The following AGMO variants were observed in gnomAD, a reference collection of about 807,000 sequenced individuals.
AGMO encodes the protein glyceryl-ether monooxygenase.
In AGMO, 75 loss-of-function variants were observed where a neutral mutation model predicts 60.2. That is an observed-to-expected ratio of 1.25 (90% confidence interval 1.03 to 1.51). The LOEUF is 1.51. AGMO is among the 40% of genes most tolerant of loss of function. The pLI, the probability that AGMO is intolerant of heterozygous loss-of-function variation, is 0.00. For synonymous variants in AGMO, 261 were observed against 177.1 expected, an observed-to-expected ratio of 1.47 and a Z score of -3.76; for missense variants, 763 against 525.5, an observed-to-expected ratio of 1.45 and a Z score of -4.42.
At chr7:15,414,727 C>A (rs1780708412) in intron 5 of AGMO, among the ~76,000 whole-genome samples, 1 of 152,042 alleles carries the variant, frequency 6.6e-6, no homozygotes, top group African/African-American at 2.4e-5. Context: ...AATTATTTTA[C>A]AAATGTGTGA....
At chr7:15,229,377 G>T (rs187595772) in intron 12 of AGMO, among the ~76,000 whole-genome samples, 1 of 151,360 alleles carries the variant, frequency 6.6e-6, no homozygotes, top group African/African-American at 2.4e-5. Context: ...CTAAGGGTTC[G>T]AATACAAAAA....
intron 3 of AGMO, among the ~76,000 whole-genome samples, chr7:15,533,557 G>C (rs1183987189): frequency 2.0e-5 from 3 of 151,894 alleles, no homozygotes; most frequent in Non-Finnish European, 4.4e-5. Context: ...TACTCATTTG[G>C]TTTTATGCTT....
intron 12 of AGMO, among the ~76,000 whole-genome samples, chr7:15,331,188 C>T (rs1345236109): frequency 6.6e-6 from 1 of 152,164 alleles, no homozygotes; most frequent in Non-Finnish European, 1.5e-5. Context: ...CTTTAAATGA[C>T]TTCGTCCCCA....
intron 12 of AGMO, among the ~76,000 whole-genome samples, chr7:15,359,636 T>C (rs1000566528): frequency 6.6e-6 from 1 of 152,160 alleles, no homozygotes; most frequent in Non-Finnish European, 1.5e-5. Flanking sequence ...TGCTGTGTCT[T>C]AGAGCCATCA....
At chr7:15,136,041 T>C in the AGMO span, among the ~76,000 whole-genome samples, 6 of 146,594 alleles carry the variant, frequency 4.1e-5, no homozygotes, top group Admixed American at 7.2e-5. Flanking sequence ...TTGCCCAGGC[T>C]GGAGTGCAAT....
chr7:15,417,897 A>G (rs534702235), intron 5 of AGMO, among the ~76,000 whole-genome samples: 1 of 152,254 alleles, frequency 6.6e-6, no homozygotes, highest in South Asian at 2.1e-4. Flanking sequence ...ATAGGTAAGA[A>G]TTTTTCTAGG....
At chr7:15,303,555 C>T (rs1466950404) in intron 12 of AGMO, among the ~76,000 whole-genome samples, 3 of 152,020 alleles carry the variant, frequency 2.0e-5, no homozygotes, top group Non-Finnish European at 4.4e-5. Flanking sequence ...TGTAAGTGAT[C>T]TTGCTTGACC....
chr7:15,155,001 C>G, the AGMO span, among the ~76,000 whole-genome samples: 1 of 152,194 alleles, frequency 6.6e-6, no homozygotes, highest in African/African-American at 2.4e-5. Flanking sequence ...TGTATGTGAT[C>G]TGCCCCTTTT....
At chr7:15,261,389 C>G (rs1783267703) in intron 12 of AGMO, among the ~76,000 whole-genome samples, 1 of 152,002 alleles carries the variant, frequency 6.6e-6, no homozygotes, top group Non-Finnish European at 1.5e-5. Flanking sequence ...TGCACATAAA[C>G]TGGAAATCCT....
intron 3 of AGMO, among the ~76,000 whole-genome samples, chr7:15,492,297 T>C (rs560331739): frequency 2.7e-5 from 4 of 147,392 alleles, no homozygotes; most frequent in Non-Finnish European, 5.9e-5. Context: ...CCTACTGGGC[T>C]ACTAAAATGG....
chr7:15,474,851 A>T (rs115009821), intron 3 of AGMO, among the ~76,000 whole-genome samples: 1,310 of 109,278 alleles, frequency 0.012, 20 homozygotes, highest in African/African-American at 0.045. Context: ...AAATTTACAT[A>T]AAAAAAACAA....
intron 12 of AGMO, among the ~76,000 whole-genome samples, chr7:15,248,424 C>A (rs1271102426): frequency 6.6e-6 from 1 of 151,282 alleles, no homozygotes; most frequent in African/African-American, 2.4e-5. Flanking sequence ...TTATCTAGAC[C>A]AGAGATGGCA....
intron 12 of AGMO, among the ~76,000 whole-genome samples, chr7:15,214,748 G>C (rs1004407432): frequency 5.3e-5 from 8 of 151,864 alleles, no homozygotes; most frequent in Admixed American, 4.6e-4. Flanking sequence ...TTTTGCGAGG[G>C]TCAAAAAAAG....
chr7:15,338,295 G>C (rs1010908357), intron 12 of AGMO, among the ~76,000 whole-genome samples: 3 of 152,182 alleles, frequency 2.0e-5, no homozygotes, highest in South Asian at 2.1e-4. Context: ...GAGAAGAAAA[G>C]GTGAATTTTT....
At chr7:15,513,008 G>T (rs1562545050) in intron 3 of AGMO, among the ~76,000 whole-genome samples, 1 of 151,996 alleles carries the variant, frequency 6.6e-6, no homozygotes, top group African/African-American at 2.4e-5. Flanking sequence ...ACTTAAAATT[G>T]TTTTTGTAAT....
At chr7:15,248,357 T>C (rs1161988162) in intron 12 of AGMO, among the ~76,000 whole-genome samples, 2 of 151,116 alleles carry the variant, frequency 1.3e-5, no homozygotes, top group African/African-American at 4.9e-5. Flanking sequence ...CAGAGACTGA[T>C]CACAGAGAGC....
chr7:15,319,055 T>C (rs1301925283), intron 12 of AGMO, among the ~76,000 whole-genome samples: 1 of 152,176 alleles, frequency 6.6e-6, no homozygotes, highest in Non-Finnish European at 1.5e-5. Context: ...GTTTCTTTTT[T>C]CCTCCTCCCG....
intron 12 of AGMO, among the ~76,000 whole-genome samples, chr7:15,210,203 A>C (rs906527947): frequency 7.2e-5 from 11 of 152,120 alleles, no homozygotes; most frequent in Non-Finnish European, 1.2e-4. Flanking sequence ...ACTTAATTTG[A>C]TTGATTTCTC....
chr7:15,407,029 G>GGAA (rs1363114884), intron 5 of AGMO, among the ~76,000 whole-genome samples: 5 of 137,852 alleles, frequency 3.6e-5, no homozygotes, highest in African/African-American at 5.4e-5. Context: ...GTATATATAT[G>GGAA]TATATACACA....
Sources: gnomAD v4.1 joint callset for allele counts (sites outside exome capture counted in the v4.1 genomes callset) on GRCh38, gnomAD v4.1.1 for gene constraint, MANE v1.5 for transcripts, NCBI Gene and HGNC (gene_info 2026-07-23, HGNC 2026-07-21) for gene names.